Variants in CSMD1 observed in about 807,000 individuals in gnomAD.
CSMD1 encodes the protein CUB and Sushi multiple domains 1.
Under a neutral mutation model 417.5 loss-of-function variants are expected in CSMD1, and 213 were observed. The ratio of observed to expected loss-of-function variants is 0.51; its 90% CI spans 0.46 to 0.57. The LOEUF is 0.57. Ranked by LOEUF, CSMD1 falls within the 20% of genes least tolerant of loss-of-function variation. CSMD1 has a pLI of 0.00. For synonymous variants in CSMD1, 2,862 were observed against 1,736.8 expected (o/e 1.65, Z -16.11); for missense variants, 6,923 against 4,529.7 (o/e 1.53, Z -15.17).
chr8:3,345,496 A>G (rs1807930310), intron 22 of CSMD1, among the ~76,000 whole-genome samples: 1 of 152,166 alleles, frequency 6.6e-6, no homozygotes, highest in African/African-American at 2.4e-5. Flanking sequence ...TCACAAATAA[A>G]AACCCAGATA....
intron 46 of CSMD1, among the ~76,000 whole-genome samples, chr8:3,105,114 A>T (rs771656685): frequency 1.3e-5 from 2 of 152,256 alleles, no homozygotes; most frequent in Non-Finnish European, 2.9e-5. Flanking sequence ...GAAGGCAGTT[A>T]ACATTATAAA....
chr8:3,440,662 G>A (rs1265859834), intron 12 of CSMD1, among the ~76,000 whole-genome samples: 1 of 152,150 alleles, frequency 6.6e-6, no homozygotes, highest in East Asian at 1.9e-4. Flanking sequence ...AATTTTGAAT[G>A]GACTTGAGCT....
chr8:4,622,772 C>T (rs913141439), intron 2 of CSMD1, among the ~76,000 whole-genome samples: 2 of 152,012 alleles, frequency 1.3e-5, no homozygotes, highest in Non-Finnish European at 1.5e-5. Context: ...AGGAGCTGGG[C>T]ATTTCAATAC....
intron 5 of CSMD1, among the ~76,000 whole-genome samples, chr8:3,983,153 C>T (rs189373511): frequency 1.7e-3 from 138 of 79,292 alleles, no homozygotes; most frequent in Middle Eastern, 0.014. Context: ...TTTTTTGAGA[C>T]GGACTCTCGC....
At chr8:3,913,358 G>T (rs1269796565) in intron 5 of CSMD1, among the ~76,000 whole-genome samples, 2 of 152,026 alleles carry the variant, frequency 1.3e-5, no homozygotes, top group Admixed American at 6.6e-5. Context: ...TCAGAACAGA[G>T]GAAGCAACAA....
intron 3 of CSMD1, among the ~76,000 whole-genome samples, chr8:4,091,777 T>G (rs1447206874): frequency 6.6e-6 from 1 of 152,222 alleles, no homozygotes; most frequent in Non-Finnish European, 1.5e-5. Flanking sequence ...CTACTTTAAG[T>G]TGTAGTCACA....
At chr8:4,410,288 A>G (rs1260617688) in intron 3 of CSMD1, among the ~76,000 whole-genome samples, 1 of 152,232 alleles carries the variant, frequency 6.6e-6, no homozygotes, top group Non-Finnish European at 1.5e-5. Flanking sequence ...ACAAGGGAAA[A>G]CAAATTGAGG....
intron 12 of CSMD1, among the ~76,000 whole-genome samples, chr8:3,437,861 T>C (rs11136626): frequency 0.78 from 117,957 of 151,770 alleles, 46,207 homozygotes; most frequent in African/African-American, 0.88. Flanking sequence ...AATTCTCTTG[T>C]TTCAGCCACC....
intron 10 of CSMD1, among the ~76,000 whole-genome samples, chr8:3,507,328 A>C (rs567731219): frequency 6.6e-6 from 1 of 152,336 alleles, no homozygotes; most frequent in East Asian, 1.9e-4. Context: ...TAAAAAGGAC[A>C]TGAACTCATC....
intron 7 of CSMD1, among the ~76,000 whole-genome samples, chr8:3,651,058 C>T (rs918525845): frequency 8.5e-5 from 13 of 152,154 alleles, no homozygotes; most frequent in African/African-American, 3.1e-4. Context: ...CCAGAATATC[C>T]CATGAGCTCC....
chr8:4,072,084 A>G (rs1229070837), intron 3 of CSMD1, among the ~76,000 whole-genome samples: 1 of 152,172 alleles, frequency 6.6e-6, no homozygotes, highest in East Asian at 1.9e-4. Context: ...GACATGCTTG[A>G]CCTGAAAATC....
intron 4 of CSMD1, among the ~76,000 whole-genome samples, chr8:4,009,676 A>T (rs1321757593): frequency 2.8e-4 from 42 of 152,096 alleles, no homozygotes; most frequent in African/African-American, 9.9e-4. Context: ...TAATACTGGG[A>T]GATATTATTG....
intron 20 of CSMD1, among the ~76,000 whole-genome samples, chr8:3,362,168 C>G (rs1408805560): frequency 6.6e-6 from 1 of 152,244 alleles, no homozygotes; most frequent in Non-Finnish European, 1.5e-5. Flanking sequence ...ACCAACAAAA[C>G]AAACTAACAA....
chr8:4,316,464 C>T (rs1269275254), intron 3 of CSMD1, among the ~76,000 whole-genome samples: 5 of 152,052 alleles, frequency 3.3e-5, no homozygotes, highest in African/African-American at 4.8e-5. Flanking sequence ...CCATTACTTT[C>T]GATGCTGAAA....
chr8:3,863,060 C>A (rs764243854), intron 5 of CSMD1, among the ~76,000 whole-genome samples: 1 of 152,102 alleles, frequency 6.6e-6, no homozygotes, highest in Non-Finnish European at 1.5e-5. Context: ...CCTGCAGCAT[C>A]GTCAAAGTGG....
chr8:3,129,774 A>G (rs990193973), intron 41 of CSMD1, among the ~76,000 whole-genome samples: 31 of 152,048 alleles, frequency 2.0e-4, no homozygotes, highest in Admixed American at 7.2e-4. Context: ...AGGTCACTTG[A>G]GGTCAGGAAT....
intron 54 of CSMD1, among the ~76,000 whole-genome samples, chr8:2,983,900 A>C (rs1805635529): frequency 6.6e-6 from 1 of 152,230 alleles, no homozygotes. Context: ...CGAAACTGTC[A>C]GATTAAACTT....
intron 1 of CSMD1, among the ~76,000 whole-genome samples, chr8:4,717,489 T>C (rs1486182176): frequency 2.0e-5 from 3 of 151,774 alleles, no homozygotes; most frequent in South Asian, 2.1e-4. Flanking sequence ...CCCCTTTCTA[T>C]ATATGTATCT....
chr8:3,047,428 T>A (rs1811532322), intron 50 of CSMD1, among the ~76,000 whole-genome samples: 1 of 152,114 alleles, frequency 6.6e-6, no homozygotes, highest in Non-Finnish European at 1.5e-5. Flanking sequence ...GCAGGAGATA[T>A]CACTTACCAG....
Sources: gnomAD v4.1 joint callset for allele counts (sites outside exome capture counted in the v4.1 genomes callset) on GRCh38, gnomAD v4.1.1 for gene constraint, MANE v1.5 for transcripts, NCBI Gene and HGNC (gene_info 2026-07-23, HGNC 2026-07-21) for gene names.